Variants in SRGAP3 observed in about 807,000 individuals in gnomAD.
SRGAP3 encodes SLIT-ROBO Rho GTPase activating protein 3, also known as SLIT-ROBO Rho GTPase-activating protein 3.
Under a neutral mutation model 121.1 loss-of-function variants are expected in SRGAP3, and 39 were observed. The observed-to-expected ratio is 0.32, with a 90% CI of 0.25 to 0.42. The LOEUF (loss-of-function observed/expected upper bound fraction) is 0.42, where lower values mean the gene tolerates loss of function less well. Ranked by LOEUF, SRGAP3 falls within the 10% of genes least tolerant of loss-of-function variation. The probability of loss-of-function intolerance (pLI) is 1.00; values close to 1 mark genes in which losing one functional copy is unlikely to be tolerated. For synonymous variants in SRGAP3, 601 were observed against 570.0 expected, an observed-to-expected ratio of 1.05 and a Z score of -0.77; for missense variants, 1,213 against 1,470.6, an observed-to-expected ratio of 0.82 and a Z score of 2.86.
intron 18 of SRGAP3, among the ~76,000 whole-genome samples, chr3:9,006,292 C>T (rs1486477269): frequency 2.7e-5 from 4 of 150,890 alleles, no homozygotes; most frequent in Non-Finnish European, 4.4e-5. Flanking sequence ...CCCAGCTACT[C>T]CGGAGGCTGA....
chr3:9,091,182 G>A (rs1473438715), intron 3 of SRGAP3, among the ~76,000 whole-genome samples: 2 of 151,972 alleles, frequency 1.3e-5, no homozygotes, highest in African/African-American at 2.4e-5. Flanking sequence ...AAGACAGGTG[G>A]CCTTTGTTAA....
At chr3:9,274,696 G>A (rs1490828252) in intron 3 of SRGAP3, among the ~76,000 whole-genome samples, 4 of 152,162 alleles carry the variant, frequency 2.6e-5, no homozygotes, top group South Asian at 2.1e-4. Context: ...GTAAATGAGG[G>A]GGATTTTATT....
chr3:9,331,526 A>G (rs902425905), intron 1 of SRGAP3, among the ~76,000 whole-genome samples: 1 of 152,194 alleles, frequency 6.6e-6, no homozygotes, highest in African/African-American at 2.4e-5. Flanking sequence ...CCCCAGCCCC[A>G]TATGTCCTAA....
At chr3:9,172,080 GA>G (rs1950998848) in intron 1 of SRGAP3, among the ~76,000 whole-genome samples, 2 of 139,562 alleles carry the variant, frequency 1.4e-5, no homozygotes, top group Non-Finnish European at 1.6e-5. Flanking sequence ...CTTTCCAAAT[GA>G]CTTTTTCTTT....
At chr3:9,144,584 T>C (rs1335419951) in intron 1 of SRGAP3, among the ~76,000 whole-genome samples, 3 of 152,242 alleles carry the variant, frequency 2.0e-5, no homozygotes, top group African/African-American at 4.8e-5. Flanking sequence ...GTTCTCGTAA[T>C]GGTACGTGAG....
chr3:9,354,096 A>G (rs1033595389), intron 1 of SRGAP3, among the ~76,000 whole-genome samples: 1 of 150,042 alleles, frequency 6.7e-6, no homozygotes, highest in African/African-American at 2.5e-5. Flanking sequence ...AACAAACTAC[A>G]TTGGGTTGTA....
At chr3:9,060,500 C>A in intron 5 of SRGAP3, 141 bp from the exon 6 acceptor site, 2 of 1,155,204 alleles carry the variant, frequency 1.7e-6, no homozygotes, top group Non-Finnish European at 2.4e-6. Context: ...GATCATAGCT[C>A]ACTTCAGCCT....
At position 9,259,216 on chromosome 3, in the gene SRGAP3, T is replaced by G. The variant is rs1006468865; in HGVS notation, n.442+66794A>C. ...ACTCCAGCACATTTCCCTGTTTCTT[T>G]TTTTTCATATGGCTACCACATTTGA... On this transcript the variant is annotated intron_variant and non_coding_transcript_variant, in intron 3 of 3. Transcript: ENST00000490889. Among the ~76,000 whole-genome samples the G allele has an allele frequency of 2.2e-4, 34 of 152,324 alleles. 1 individual carries two copies. The South Asian group carries it at 6.2e-3, about 28-fold the overall frequency.
chr3:9,312,846 GC>G (rs1955273087), intron 3 of SRGAP3, among the ~76,000 whole-genome samples: 1 of 152,024 alleles, frequency 6.6e-6, no homozygotes, highest in Non-Finnish European at 1.5e-5. Flanking sequence ...TAAAAAATTA[GC>G]CAGGTGTGGT....
intron 3 of SRGAP3, among the ~76,000 whole-genome samples, chr3:9,098,804 G>C (rs1412006060): frequency 6.6e-6 from 1 of 152,224 alleles, no homozygotes; most frequent in African/African-American, 2.4e-5. Flanking sequence ...TTTACCTACT[G>C]TCATGCTAGT....
intron 4 of SRGAP3, among the ~76,000 whole-genome samples, chr3:9,067,963 T>C (rs1946507494): frequency 6.6e-6 from 1 of 152,048 alleles, no homozygotes; most frequent in South Asian, 2.1e-4. Context: ...TAAAATAAAA[T>C]AGGTGTGGCT....
At chr3:9,287,184 G>A (rs1299498728) in intron 3 of SRGAP3, among the ~76,000 whole-genome samples, 1 of 151,682 alleles carries the variant, frequency 6.6e-6, no homozygotes, top group Non-Finnish European at 1.5e-5. Flanking sequence ...TAGAGACAGG[G>A]TTTCACCATG....
chr3:9,197,723 T>C (rs1277160892), intron 1 of SRGAP3, among the ~76,000 whole-genome samples: 1 of 152,220 alleles, frequency 6.6e-6, no homozygotes, highest in Non-Finnish European at 1.5e-5. Context: ...CACCGGCATT[T>C]TCCAAAGCAT....
intron 9 of SRGAP3, among the ~76,000 whole-genome samples, chr3:9,051,467 T>C (rs1409513942): frequency 1.3e-5 from 2 of 152,132 alleles, no homozygotes; most frequent in Non-Finnish European, 2.9e-5. Context: ...ATCAGGATGT[T>C]GACTAAAACC....
chr3:9,289,827 G>A (rs926333094), intron 3 of SRGAP3, among the ~76,000 whole-genome samples: 1 of 152,148 alleles, frequency 6.6e-6, no homozygotes, highest in African/African-American at 2.4e-5. Flanking sequence ...CCCAGTTCAG[G>A]CTGGGAATGG....
At chr3:9,318,039 A>G (rs1955376899) in intron 3 of SRGAP3, among the ~76,000 whole-genome samples, 1 of 151,896 alleles carries the variant, frequency 6.6e-6, no homozygotes. Flanking sequence ...ATCCGACTAG[A>G]GTGGCAAATA....
At chr3:9,179,198 C>A (rs1188708998) in intron 1 of SRGAP3, among the ~76,000 whole-genome samples, 1 of 152,204 alleles carries the variant, frequency 6.6e-6, no homozygotes, top group Non-Finnish European at 1.5e-5. Context: ...GCCAGCGTAT[C>A]CCCTTCCTAC....
At chr3:9,168,086 C>A (rs765724305) in intron 1 of SRGAP3, among the ~76,000 whole-genome samples, 2 of 152,136 alleles carry the variant, frequency 1.3e-5, no homozygotes, top group Non-Finnish European at 2.9e-5. Context: ...AAAGGAAACC[C>A]GGAGAGGTTA....
intron 1 of SRGAP3, among the ~76,000 whole-genome samples, chr3:9,200,290 T>C (rs1033704375): frequency 6.6e-6 from 1 of 152,242 alleles, no homozygotes; most frequent in Non-Finnish European, 1.5e-5. Context: ...AGAAAGAACC[T>C]ATATACAGTA....
Sources: gnomAD v4.1 joint callset for allele counts (sites outside exome capture counted in the v4.1 genomes callset) on GRCh38, gnomAD v4.1.1 for gene constraint, MANE v1.5 for transcripts, NCBI Gene and HGNC (gene_info 2026-07-23, HGNC 2026-07-21) for gene names.